PTPRR: variants seen among roughly 807,000 people sequenced by gnomAD.
PTPRR encodes receptor-type tyrosine-protein phosphatase R.
In PTPRR, 38 loss-of-function variants were observed where a neutral mutation model predicts 77.2. The ratio of observed to expected loss-of-function variants is 0.49; its 90% confidence interval spans 0.38 to 0.65. The LOEUF (loss-of-function observed/expected upper bound fraction) is 0.65, where lower values mean the gene tolerates loss of function less well. Among genes scored for constraint, PTPRR ranks in the 30% least tolerant of loss-of-function variants. The pLI is 0.00. For missense variants in PTPRR, 744 were observed against 799.2 expected, an observed-to-expected ratio of 0.93 and a Z score of 0.83; for synonymous variants, 299 against 283.1, an observed-to-expected ratio of 1.06 and a Z score of -0.57.
intron 2 of PTPRR, among the ~76,000 whole-genome samples, chr12:70,851,958 C>G (rs890183598): frequency 4.6e-5 from 7 of 152,044 alleles, no homozygotes; most frequent in Non-Finnish European, 1.0e-4. Context: ...TATTTTGTAT[C>G]TAATCATGAG....
chr12:70,897,443 A>G (rs1036125181), intron 1 of PTPRR, among the ~76,000 whole-genome samples: 5 of 151,978 alleles, frequency 3.3e-5, no homozygotes, highest in Non-Finnish European at 7.4e-5. Flanking sequence ...TGCAAATCAA[A>G]ACCACAATGA....
chr12:70,665,683 C>T (rs1232146468), intron 10 of PTPRR, among the ~76,000 whole-genome samples: 3 of 151,692 alleles, frequency 2.0e-5, no homozygotes, highest in Admixed American at 2.0e-4. Flanking sequence ...CGCCCGGCCG[C>T]CAGCTCATAT....
chr12:70,743,326 G>A (rs1890112424), intron 6 of PTPRR, among the ~76,000 whole-genome samples: 1 of 152,138 alleles, frequency 6.6e-6, no homozygotes, highest in South Asian at 2.1e-4. Flanking sequence ...CTTGATAATC[G>A]AGGATGTGAG....
intron 10 of PTPRR, chr12:70,672,873 C>A (rs1326252228): frequency 1.3e-6 from 2 of 1,559,138 alleles, no homozygotes; most frequent in Admixed American, 1.7e-5. Context: ...GGCTCCTGCA[C>A]AGGCCCTGGT....
chr12:70,904,470 C>T (rs1457140686), intron 1 of PTPRR, among the ~76,000 whole-genome samples: 1 of 151,752 alleles, frequency 6.6e-6, no homozygotes, highest in Non-Finnish European at 1.5e-5. Flanking sequence ...TGTATTTTTC[C>T]ATTACATGAC....
At chr12:70,717,714 A>G (rs1889085320) in intron 6 of PTPRR, among the ~76,000 whole-genome samples, 1 of 152,216 alleles carries the variant, frequency 6.6e-6, no homozygotes, top group Admixed American at 6.5e-5. Context: ...ACAAGATGGA[A>G]CACAATTGAC....
intron 1 of PTPRR, among the ~76,000 whole-genome samples, chr12:70,917,819 A>C (rs1437688057): frequency 6.6e-6 from 1 of 152,162 alleles, no homozygotes; most frequent in South Asian, 2.1e-4. Flanking sequence ...TAAAAAGAAC[A>C]CTTACATCCC....
At chr12:70,788,162 C>T (rs542843206) in intron 2 of PTPRR, among the ~76,000 whole-genome samples, 6 of 152,184 alleles carry the variant, frequency 3.9e-5, no homozygotes, top group South Asian at 2.1e-4. Context: ...TTTAAGCCAA[C>T]ATTAAAGAGT....
intron 2 of PTPRR, among the ~76,000 whole-genome samples, chr12:70,768,637 G>A (rs891891519): frequency 3.9e-5 from 6 of 152,094 alleles, no homozygotes; most frequent in Non-Finnish European, 7.3e-5. Context: ...GAAAAAGAGG[G>A]AATCCTCCCT....
chr12:70,656,819 TGAAAAGAAAA>T lies in PTPRR; in HGVS notation c.1767-12_1767-3del, dbSNP rs746157325. ...CACCCTGTTCTACCTATTCCTGCAC[TGAAAAGAAAA>T]GAAAAGAAATTTAAAAAGTGGGGGA... On this transcript the variant is annotated splice_region_variant and splice_polypyrimidine_tract_variant and intron_variant, in intron 12 of 13. Coordinates refer to ENST00000283228, the MANE Select transcript of PTPRR (RefSeq NM_002849.4). The T allele has an allele frequency of 6.3e-7, 1 of 1,585,990 alleles. No individual in the cohort carries two copies. Among genetic ancestry groups the T allele is most frequent in the Non-Finnish European group, 8.6e-7 (1 of 1,159,344 alleles).
chr12:70,763,866 G>A (rs959075814), intron 3 of PTPRR, among the ~76,000 whole-genome samples: 5 of 152,088 alleles, frequency 3.3e-5, no homozygotes, highest in Admixed American at 6.6e-5. Context: ...CTTTGCTCAC[G>A]CCCACTTTCC....
intron 5 of PTPRR, among the ~76,000 whole-genome samples, chr12:70,750,874 A>T (rs1305105665): frequency 6.6e-6 from 1 of 150,800 alleles, no homozygotes. Flanking sequence ...GACTACAGGC[A>T]TGTGCCATCA....
intron 6 of PTPRR, among the ~76,000 whole-genome samples, chr12:70,710,215 T>G (rs1052250067): frequency 6.6e-6 from 1 of 151,988 alleles, no homozygotes; most frequent in Admixed American, 6.6e-5. Flanking sequence ...CGGAGACCAA[T>G]GGAACAGAAT....
intron 2 of PTPRR, among the ~76,000 whole-genome samples, chr12:70,850,927 G>C (rs974151076): frequency 1.3e-5 from 2 of 151,918 alleles, no homozygotes; most frequent in African/African-American, 4.8e-5. Flanking sequence ...TCTTCTGAGT[G>C]TTTCTCCTGT....
At chr12:70,822,937 C>T (rs376486884) in intron 2 of PTPRR, among the ~76,000 whole-genome samples, 2 of 152,016 alleles carry the variant, frequency 1.3e-5, no homozygotes, top group East Asian at 1.9e-4. Context: ...CATTTCTCAT[C>T]CTTGGGTAGA....
At chr12:70,745,664 T>C (rs1462595490) in intron 6 of PTPRR, among the ~76,000 whole-genome samples, 154 bp downstream of exon 6, 1 of 152,152 alleles carries the variant, frequency 6.6e-6, no homozygotes. Context: ...TTGGATTCCT[T>C]TGGGAGACAA....
intron 9 of PTPRR, 133 bp from the exon 10 acceptor site, chr12:70,684,397 G>C: frequency 2.1e-6 from 2 of 940,832 alleles, no homozygotes; most frequent in East Asian, 2.6e-5. Flanking sequence ...ACTGACTCTA[G>C]TACAACAATT....
Position 70,708,815 on chromosome 12 carries a change from AACAC to A in PTPRR, c.1008-7496_1008-7493del, listed in dbSNP as rs142909764. On this transcript the variant is annotated intron_variant, in intron 6 of 13. Coordinates refer to ENST00000283228, the MANE Select transcript of PTPRR (RefSeq NM_002849.4). ...TGATTTAAATATAAATACAAATACAAACACACACACACACACACACACACACACA... is the reference window on the plus strand; with the variant it reads ...TGATTTAAATATAAATACAAATACAAACACACACACACACACACACACACA... Among the ~76,000 whole-genome samples the A allele has an allele frequency of 2.7e-3, 242 of 89,016 alleles. 1 individual carries two copies. The highest frequency in any genetic ancestry group is 8.6e-3 in the South Asian group (15 of 1,738). The allele number at this position is 89,016 out of a possible 152,430, so 58.4% of individuals were successfully genotyped here. A position where few individuals can be genotyped will look rare whatever the true frequency, so the allele number is the denominator to read the frequency against.
At chr12:70,912,919 T>G (rs567596592) in intron 1 of PTPRR, among the ~76,000 whole-genome samples, 14 of 152,126 alleles carry the variant, frequency 9.2e-5, no homozygotes, top group African/African-American at 3.1e-4. Flanking sequence ...TGTGTCAGCA[T>G]TTGTAAATGC....
Sources: allele counts gnomAD v4.1 joint callset (sites outside exome capture counted in the v4.1 genomes callset), GRCh38; gene constraint gnomAD v4.1.1; transcripts MANE v1.5; gene names NCBI Gene and HGNC (gene_info 2026-07-23, HGNC 2026-07-21).